MFSD8: variants seen among roughly 807,000 people sequenced by gnomAD.
MFSD8 encodes major facilitator superfamily domain containing 8.
In MFSD8, 55 loss-of-function variants were observed where a neutral mutation model predicts 66.4. That is an observed-to-expected ratio of 0.83 (90% CI 0.67 to 1.04). The LOEUF (loss-of-function observed/expected upper bound fraction) is 1.04. MFSD8 is among the 50% of genes least tolerant of loss of function. The pLI, the probability that MFSD8 is intolerant of heterozygous loss-of-function variation, is 0.00. For synonymous variants in MFSD8, 202 were observed against 212.8 expected (o/e 0.95, Z 0.44); for missense variants, 550 against 627.6 (o/e 0.88, Z 1.32).
intron 2 of MFSD8, among the ~76,000 whole-genome samples, chr4:127,952,241 TA>T (rs1742112342): frequency 6.6e-6 from 1 of 151,340 alleles, no homozygotes; most frequent in African/African-American, 2.4e-5. Flanking sequence ...CTGTCTCTAC[TA>T]AAAATACAAA....
rs1372500359 is a variant in MFSD8, at chr4:127,918,675, T to C, written c.*1955A>G. ...CTATGAAAAATCAAGTGGTTAAGAC[T>C]GTGGACTTTAAGGATAGACTGTTAC... On this transcript the variant is annotated 3_prime_UTR_variant, in exon 12 of 12. Coordinates refer to ENST00000641686, the MANE Select transcript of MFSD8 (RefSeq NM_001371596.2). 2 of 152,200 alleles carry C rather than the reference T, an allele frequency of 1.3e-5. No homozygotes were observed. The highest frequency in any genetic ancestry group is 4.8e-5 in the African/African-American group (2 of 41,442). 9.4% of individuals were successfully genotyped at this position (152,200 alleles called of 1,614,324 possible). A position where few individuals can be genotyped will look rare whatever the true frequency, so the allele number is the denominator to read the frequency against.
At position 127,920,471 on chromosome 4, in the gene MFSD8, T is replaced by C. The variant is rs1736186914; in HGVS notation, c.*159A>G. The C allele has an allele frequency of 9.6e-6, 7 of 726,156 alleles. No homozygotes were observed. Among genetic ancestry groups the C allele is most frequent in the Non-Finnish European group, 1.7e-5 (7 of 407,492 alleles). 45.0% of individuals were successfully genotyped at this position (726,156 alleles called of 1,614,324 possible). A position where few individuals can be genotyped will look rare whatever the true frequency, so the allele number is the denominator to read the frequency against. On this transcript the variant is annotated 3_prime_UTR_variant, in exon 12 of 12. Transcript: ENST00000641686. ...ATATAACCTACTATTCACAATGACATGTAGAATTCTCTCTGTTATTCAACA... is the reference window on the plus strand; with the variant it reads ...ATATAACCTACTATTCACAATGACACGTAGAATTCTCTCTGTTATTCAACA...
intron 3 of MFSD8, among the ~76,000 whole-genome samples, chr4:127,947,473 G>A (rs1741237791): frequency 6.6e-6 from 1 of 151,566 alleles, no homozygotes; most frequent in Admixed American, 6.6e-5. Flanking sequence ...AGCTACTTGG[G>A]AGACTGAGGC....
At chr4:127,955,980 G>A (rs1261920441) in intron 2 of MFSD8, among the ~76,000 whole-genome samples, 3 of 152,008 alleles carry the variant, frequency 2.0e-5, no homozygotes, top group Admixed American at 6.6e-5. Flanking sequence ...TTAGCTGGGC[G>A]TGATAGCGTG....
intron 2 of MFSD8, among the ~76,000 whole-genome samples, chr4:127,952,962 A>G (rs1742254193): frequency 6.6e-6 from 1 of 151,830 alleles, no homozygotes; most frequent in Non-Finnish European, 1.5e-5. Context: ...TAGATAATTG[A>G]GTACTAAAAA....
At chr4:127,929,287 C>G (rs1019971453) in intron 9 of MFSD8, among the ~76,000 whole-genome samples, 1 of 122,492 alleles carries the variant, frequency 8.2e-6, no homozygotes, top group Admixed American at 1.0e-4. Flanking sequence ...CGTGCCACTG[C>G]ACTCCAGCCT....
chr4:127,965,933 T>G (rs1480258169), upstream of MFSD8: 1 of 152,382 alleles, frequency 6.6e-6, no homozygotes, highest in Non-Finnish European at 1.5e-5. Flanking sequence ...GAAGGTGGGA[T>G]CTGCTGCTTG....
At chr4:127,947,916 T>C (rs1001907774) in intron 3 of MFSD8, among the ~76,000 whole-genome samples, 2 of 147,554 alleles carry the variant, frequency 1.4e-5, no homozygotes, top group Non-Finnish European at 3.0e-5. Context: ...TCCAACCTCA[T>C]AGAAAAACCA....
At position 127,918,247 on chromosome 4, in the gene MFSD8, GA is replaced by G. The variant is rs1736024880; in HGVS notation, c.*2382del. ...ATACGCAACTTGGCCTACTCAAGAA[GA>G]CATCAACATGGTGATTTTTTTTCCT... On this transcript the variant is annotated 3_prime_UTR_variant, in exon 12 of 12. Transcript: ENST00000641686. The G allele has an allele frequency of 6.6e-6, 1 of 152,156 alleles. No homozygotes were observed. Among genetic ancestry groups the G allele is most frequent in the African/African-American group, 2.4e-5 (1 of 41,436 alleles). 9.4% of individuals were successfully genotyped at this position (152,156 alleles called of 1,614,324 possible). A position where few individuals can be genotyped will look rare whatever the true frequency, so the allele number is the denominator to read the frequency against.
intron 2 of MFSD8, among the ~76,000 whole-genome samples, chr4:127,951,086 T>G (rs1012774122): frequency 6.6e-6 from 1 of 151,142 alleles, no homozygotes; most frequent in Admixed American, 6.6e-5. Context: ...AAAGAAAAAA[T>G]AAATTTAAAA....
At chr4:127,935,037 G>C (rs2148889674) in intron 7 of MFSD8, among the ~76,000 whole-genome samples, 1 of 152,216 alleles carries the variant, frequency 6.6e-6, no homozygotes, top group South Asian at 2.1e-4. Flanking sequence ...TTGAGAAGGA[G>C]TTCCTCCTCC....
rs951841775 is a variant in MFSD8, at chr4:127,919,951, C to T, written c.*679G>A. 1 of 152,482 alleles carries T rather than the reference C, an allele frequency of 6.6e-6. No homozygotes were observed. Among genetic ancestry groups the T allele is most frequent in the Non-Finnish European group, 1.5e-5 (1 of 68,314 alleles). The allele number at this position is 152,482 out of a possible 1,614,324, so 9.4% of individuals were successfully genotyped here. ...AATAGGCAGTGAAGTATCTTGATCT[C>T]TTAATCCTCTGTATTGCTCAAATAT... is the stretch of plus-strand genomic sequence containing the variant. On this transcript the variant is annotated 3_prime_UTR_variant, in exon 12 of 12. Transcript: ENST00000641686.
In MFSD8 at chr4:127,943,982, G is replaced by A. The variant is rs570440254; in HGVS notation, c.209C>T (p.Thr70Ile). ...CCAGCCCAAAAAACTTGTATCAGCTGTCGGATCAATCTGCAGAAAAAGGTA... is the reference window on the plus strand; with the variant it reads ...CCAGCCCAAAAAACTTGTATCAGCTATCGGATCAATCTGCAGAAAAAGGTA... ...IWPYLQKIDP[T>I]ADTSFLGWVI... The change falls in exon 4 of 12, where the codon ACA becomes ATA. Residue 70 changes from threonine (T) to isoleucine (I), a missense_variant. Transcript: ENST00000641686. 3.7e-6 allele frequency: 6 copies of A among 1,614,200 alleles called. No individual in the cohort carries two copies. In the South Asian group the frequency reaches 6.6e-5, roughly 18 times the overall value.
intron 3 of MFSD8, 54 bp downstream of exon 3, chr4:127,949,750 T>TA: frequency 6.9e-7 from 1 of 1,453,012 alleles, no homozygotes; most frequent in Non-Finnish European, 9.6e-7. Flanking sequence ...CTTAACTACG[T>TA]AAGAGTTACT....
At chr4:127,964,016 G>A (rs1744408046) in intron 1 of MFSD8, among the ~76,000 whole-genome samples, 1 of 152,174 alleles carries the variant, frequency 6.6e-6, no homozygotes, top group Non-Finnish European at 1.5e-5. Context: ...AGTGTCGACT[G>A]GTGCATTCAC....
At chr4:127,955,174 G>C (rs1578972812) in intron 2 of MFSD8, among the ~76,000 whole-genome samples, 2 of 152,264 alleles carry the variant, frequency 1.3e-5, no homozygotes, top group East Asian at 3.9e-4. Context: ...AGAGATATTT[G>C]CACACCCATA....
At chr4:127,946,924 C>G (rs1017780700) in intron 3 of MFSD8, among the ~76,000 whole-genome samples, 3 of 149,882 alleles carry the variant, frequency 2.0e-5, no homozygotes, top group Non-Finnish European at 4.4e-5. Flanking sequence ...ACAAAAAAAA[C>G]CACAAAAATT....
In MFSD8 at chr4:127,921,805, G is replaced by A. The variant is rs369782554; in HGVS notation, c.1103-34C>T. On this transcript the variant is annotated intron_variant, in intron 10 of 11. Coordinates refer to ENST00000641686, the MANE Select transcript of MFSD8 (RefSeq NM_001371596.2). The stretch of plus-strand genomic sequence containing the variant: ...ACAAAACCATTGCAGTGCATTACTT[G>A]TTGATTTTAGATAAATAACAGAGGT... 75 of 1,613,604 alleles carry A rather than the reference G, an allele frequency of 4.6e-5. No individual in the cohort carries two copies. The African/African-American group carries it at 9.3e-4, about 20-fold the overall frequency.
Position 127,928,702 on chromosome 4 carries a change from A to G in MFSD8, c.998+1981T>C, listed in dbSNP as rs1200676469. Among the ~76,000 whole-genome samples the G allele has an allele frequency of 7.2e-5, 11 of 152,344 alleles. No individual in the cohort carries two copies. The East Asian group carries it at 1.9e-3, about 27-fold the overall frequency. ...GTACAGAAGTTCCTAAAAACTTAAA[A>G]TGGAACTGCCATATGAACCAGCAAT... On this transcript the variant is annotated intron_variant, in intron 9 of 11. Coordinates refer to ENST00000641686, the MANE Select transcript of MFSD8 (RefSeq NM_001371596.2).
Sources: allele counts gnomAD v4.1 joint callset (sites outside exome capture counted in the v4.1 genomes callset), GRCh38; gene constraint gnomAD v4.1.1; transcripts MANE v1.5; gene names NCBI Gene and HGNC (gene_info 2026-07-23, HGNC 2026-07-21).